The following PBRM1 variants were observed in gnomAD, a reference collection of about 807,000 sequenced individuals.
The protein encoded by PBRM1 is protein polybromo-1.
Under a neutral mutation model 194.5 loss-of-function variants are expected in PBRM1, and 27 were observed. The observed-to-expected ratio is 0.14, with a 90% CI of 0.10 to 0.19. The LOEUF is 0.19. Ranked by LOEUF, PBRM1 falls within the 10% of genes least tolerant of loss-of-function variation. PBRM1 has a pLI of 1.00. For synonymous variants in PBRM1, 655 were observed against 693.2 expected (o/e 0.94, Z 0.87); for missense variants, 1,466 against 2,077.2 (o/e 0.71, Z 5.72).
At chr3:52,676,125 A>T (rs1196769702) in intron 2 of PBRM1, among the ~76,000 whole-genome samples, 2 of 31,592 alleles carry the variant, frequency 6.3e-5, no homozygotes, top group Non-Finnish European at 1.3e-4. Flanking sequence ...AAAAAAAAAA[A>T]AAAAAAAAAA....
intron 13 of PBRM1, among the ~76,000 whole-genome samples, chr3:52,621,507 T>C (rs1342361782): frequency 6.6e-6 from 1 of 152,188 alleles, no homozygotes; most frequent in Non-Finnish European, 1.5e-5. Context: ...AGATTTTTCT[T>C]AGAATTTCTC....
In PBRM1 at chr3:52,599,162, C is replaced by T. The variant is rs182047691; in HGVS notation, c.2779+4359G>A. Among the ~76,000 whole-genome samples, 611 of 152,198 alleles carry T rather than the reference C, an allele frequency of 4.0e-3. 3 individuals are homozygous for T. Among genetic ancestry groups the T allele is most frequent in the South Asian group, 0.022 (108 of 4,824 alleles). The stretch of plus-strand genomic sequence containing the variant: ...CCATGATCGTGCCACTGCACTCTAG[C>T]CTGGGTGACAGAATGAGAGCCCATC... On this transcript the variant is annotated intron_variant, in intron 17 of 29. Coordinates refer to ENST00000296302, the Ensembl canonical transcript of PBRM1.
intron 15 of PBRM1, among the ~76,000 whole-genome samples, chr3:52,612,823 G>A (rs962436804): frequency 2.0e-5 from 3 of 151,666 alleles, no homozygotes; most frequent in African/African-American, 7.3e-5. Context: ...GAAGAATTGG[G>A]GGAACCCAGG....
At chr3:52,655,647 T>C (rs1053441688) in intron 5 of PBRM1, among the ~76,000 whole-genome samples, 4 of 152,200 alleles carry the variant, frequency 2.6e-5, no homozygotes, top group Admixed American at 6.5e-5. Flanking sequence ...CATCATACTG[T>C]TTTCTCCTTT....
chr3:52,627,564 T>A (rs2153582531), intron 12 of PBRM1, among the ~76,000 whole-genome samples, 194 bp from the exon 14 acceptor site: 1 of 152,320 alleles, frequency 6.6e-6, no homozygotes, highest in East Asian at 1.9e-4. Flanking sequence ...AAGAGTAGGT[T>A]AAAAAATGGT....
chr3:52,631,894 T>C (rs1165052191), intron 11 of PBRM1, among the ~76,000 whole-genome samples: 1 of 152,224 alleles, frequency 6.6e-6, no homozygotes, highest in Non-Finnish European at 1.5e-5. Context: ...TCACAGAGAC[T>C]GATTCAAAGA....
intron 10 of PBRM1, among the ~76,000 whole-genome samples, chr3:52,636,252 C>T (rs1002430582): frequency 2.0e-5 from 3 of 152,132 alleles, no homozygotes; most frequent in East Asian, 3.9e-4. Context: ...TCCCCCAGGA[C>T]TATTCCCTTG....
At chr3:52,654,161 C>T (rs2096564172) in intron 5 of PBRM1, among the ~76,000 whole-genome samples, 1 of 152,184 alleles carries the variant, frequency 6.6e-6, no homozygotes, top group Admixed American at 6.5e-5. Flanking sequence ...CCCAACTCTT[C>T]CCACCTGTTC....
intron 11 of PBRM1, among the ~76,000 whole-genome samples, chr3:52,629,721 A>G (rs1014133129): frequency 1.3e-5 from 2 of 152,232 alleles, no homozygotes; most frequent in Admixed American, 6.5e-5. Context: ...TGTACTTTGT[A>G]CAAAGTAGAG....
intron 17 of PBRM1, among the ~76,000 whole-genome samples, chr3:52,603,094 G>C (rs2094117181): frequency 6.6e-6 from 1 of 152,212 alleles, no homozygotes; most frequent in South Asian, 2.1e-4. Context: ...CCAGGTATGT[G>C]ATTCAACCAA....
Position 52,644,794 on chromosome 3 carries a change from C to A in PBRM1, c.814-5G>T. The A allele has an allele frequency of 7.3e-7, 1 of 1,361,038 alleles. No homozygotes were observed. The highest frequency in any genetic ancestry group is 1.2e-5 in the South Asian group (1 of 84,530). The allele number at this position is 1,361,038 out of a possible 1,614,324, so 84.3% of individuals were successfully genotyped here. A position where few individuals can be genotyped will look rare whatever the true frequency, so the allele number is the denominator to read the frequency against. On this transcript the variant is annotated splice_region_variant and splice_polypyrimidine_tract_variant and intron_variant, in intron 7 of 29. Coordinates refer to ENST00000296302, the Ensembl canonical transcript of PBRM1. ...TTTTTTAATTGAATTTGCATCCTGT[C>A]AAGATAAAATTACTTGGTTTAAAAA... is the stretch of plus-strand genomic sequence containing the variant.
chr3:52,618,913 G>A (rs1187035655), intron 13 of PBRM1, among the ~76,000 whole-genome samples: 3 of 152,160 alleles, frequency 2.0e-5, no homozygotes. Flanking sequence ...CACCACGCTT[G>A]GCTAATTTTG....
chr3:52,569,884 G>A (rs1004324778), intron 22 of PBRM1, among the ~76,000 whole-genome samples: 3 of 152,006 alleles, frequency 2.0e-5, no homozygotes, highest in African/African-American at 7.2e-5. Context: ...TCTTATTTTA[G>A]ACTTCTGTTT....
intron 6 of PBRM1, among the ~76,000 whole-genome samples, chr3:52,649,867 ACT>A (rs2096440322): frequency 6.6e-6 from 1 of 152,124 alleles, no homozygotes; most frequent in African/African-American, 2.4e-5. Context: ...GCAAAAGGTG[ACT>A]CTGAGACTTT....
chr3:52,568,364 T>C (rs2086007173), intron 22 of PBRM1, among the ~76,000 whole-genome samples: 1 of 152,228 alleles, frequency 6.6e-6, no homozygotes, highest in African/African-American at 2.4e-5. Context: ...TTATAGGAGC[T>C]CTTCATCTAT....
intron 20 of PBRM1, among the ~76,000 whole-genome samples, chr3:52,581,281 A>C (rs1412410125): frequency 6.6e-6 from 1 of 152,162 alleles, no homozygotes; most frequent in Admixed American, 6.5e-5. Context: ...AGGCCAAGGC[A>C]GGCGGATCAC....
intron 3 of PBRM1, among the ~76,000 whole-genome samples, chr3:52,667,319 T>A (rs543969343): frequency 6.6e-6 from 1 of 152,250 alleles, no homozygotes; most frequent in South Asian, 2.1e-4. Flanking sequence ...AAAACATTTC[T>A]GTTCATCAAA....
At chr3:52,684,536 C>A (rs2097276990), upstream of PBRM1, among the ~76,000 whole-genome samples, 1 of 152,108 alleles carries the variant, frequency 6.6e-6, no homozygotes. Flanking sequence ...AAGAAAAAAA[C>A]CACTCTTAAC....
chr3:52,640,960 T>TA (rs1037950399), intron 10 of PBRM1, among the ~76,000 whole-genome samples: 25 of 152,022 alleles, frequency 1.6e-4, no homozygotes, highest in African/African-American at 6.0e-4. Flanking sequence ...TTATAATCAG[T>TA]AAAAAACAAT....
Sources: allele counts gnomAD v4.1 joint callset (sites outside exome capture counted in the v4.1 genomes callset), GRCh38; gene constraint gnomAD v4.1.1; transcripts MANE v1.5; gene names NCBI Gene and HGNC (gene_info 2026-07-23, HGNC 2026-07-21).